MCC: variants seen among roughly 807,000 people sequenced by gnomAD.
MCC encodes the protein colorectal mutant cancer protein.
Under a neutral mutation model 116.2 loss-of-function variants are expected in MCC, and 90 were observed. That is an observed-to-expected ratio of 0.77 (90% CI 0.65 to 0.92). MCC has a LOEUF of 0.92. Ranked by LOEUF, MCC falls within the 40% of genes least tolerant of loss-of-function variation. The pLI is 0.00. For synonymous variants in MCC, 578 were observed against 510.5 expected (o/e 1.13, Z -1.78); for missense variants, 1,516 against 1,312.2 (o/e 1.16, Z -2.40).
chr5:113,049,799 A>C (rs937798150), intron 15 of MCC, among the ~76,000 whole-genome samples: 1 of 152,214 alleles, frequency 6.6e-6, no homozygotes, highest in African/African-American at 2.4e-5. Flanking sequence ...GTTGCCCTGT[A>C]GCTGGGCCAG....
chr5:113,444,844 A>G (rs1048294806), intron 1 of MCC, among the ~76,000 whole-genome samples: 4 of 152,242 alleles, frequency 2.6e-5, no homozygotes, highest in African/African-American at 9.6e-5. Flanking sequence ...CAACAACAAT[A>G]GTAATTTAAA....
chr5:113,320,286 G>C (rs894898311), intron 3 of MCC, among the ~76,000 whole-genome samples: 3 of 152,092 alleles, frequency 2.0e-5, no homozygotes, highest in Non-Finnish European at 4.4e-5. Context: ...TTAGTTGTTT[G>C]TTTTTAAAAA....
chr5:113,290,746 T>C (rs1419279573), intron 3 of MCC, among the ~76,000 whole-genome samples: 1 of 152,216 alleles, frequency 6.6e-6, no homozygotes, highest in Non-Finnish European at 1.5e-5. Flanking sequence ...GAGAATTTAA[T>C]GCTGCTTAAA....
intron 1 of MCC, among the ~76,000 whole-genome samples, chr5:113,486,614 C>G (rs1438949317): frequency 6.6e-6 from 1 of 152,126 alleles, no homozygotes; most frequent in Non-Finnish European, 1.5e-5. Context: ...AAGGCCGAGG[C>G]GGGCGGATCA....
chr5:113,467,083 A>C (rs981461453), intron 1 of MCC, among the ~76,000 whole-genome samples: 2 of 150,320 alleles, frequency 1.3e-5, no homozygotes, highest in African/African-American at 4.9e-5. Context: ...TCTGGATATT[A>C]GCCCTTTGTC....
rs140343439 is a variant in MCC, at chr5:113,211,761, C to T, written c.628-60339G>A. 3.6e-3 allele frequency among the ~76,000 whole-genome samples: 546 copies of T among 152,276 alleles called. 6 individuals are homozygous for T. The highest frequency in any genetic ancestry group is 0.012 in the African/African-American group (503 of 41,558). On this transcript the variant is annotated intron_variant, in intron 3 of 18. Transcript: ENST00000408903. Reference sequence around the variant, plus strand: ...AACTACTGGAGGTTATCCTAAAACTCCCCTTAATTAAAAATAAACAAATTG... The same window carrying T: ...AACTACTGGAGGTTATCCTAAAACTTCCCTTAATTAAAAATAAACAAATTG...
intron 1 of MCC, among the ~76,000 whole-genome samples, chr5:113,461,296 A>G (rs1483016639): frequency 6.6e-6 from 1 of 152,200 alleles, no homozygotes; most frequent in Non-Finnish European, 1.5e-5. Context: ...TTTTTCAAAT[A>G]ACTCATTTAC....
chr5:113,141,627 T>A (rs1035668528), intron 5 of MCC, among the ~76,000 whole-genome samples: 4 of 152,070 alleles, frequency 2.6e-5, no homozygotes, highest in African/African-American at 9.7e-5. Flanking sequence ...TTGCAGGGAA[T>A]CCCCTCGAGG....
intron 17 of MCC, among the ~76,000 whole-genome samples, chr5:113,037,251 C>T (rs911977562): frequency 6.6e-6 from 1 of 152,098 alleles, no homozygotes; most frequent in Non-Finnish European, 1.5e-5. Context: ...CATTCAGGGA[C>T]AAATGTTGGT....
intron 3 of MCC, among the ~76,000 whole-genome samples, chr5:113,286,314 A>G (rs1766258401): frequency 6.6e-6 from 1 of 152,226 alleles, no homozygotes; most frequent in Non-Finnish European, 1.5e-5. Context: ...CTCTCACCAC[A>G]TAACCAGTCA....
chr5:113,457,235 C>A (rs988724854), intron 1 of MCC, among the ~76,000 whole-genome samples: 5 of 152,242 alleles, frequency 3.3e-5, no homozygotes, highest in Non-Finnish European at 5.9e-5. Context: ...GCCCCACACT[C>A]GGAGCAGCTG....
chr5:113,433,573 C>T (rs1352782795), intron 1 of MCC: 18 of 923,950 alleles, frequency 1.9e-5, no homozygotes, highest in Non-Finnish European at 2.7e-5. Flanking sequence ...CTAGGGGCCA[C>T]GGGAGAACCA....
At chr5:113,392,695 T>G (rs1344018307) in intron 1 of MCC, among the ~76,000 whole-genome samples, 1 of 152,236 alleles carries the variant, frequency 6.6e-6, no homozygotes, top group African/African-American at 2.4e-5. Flanking sequence ...TAATACACAC[T>G]GGATGTTTAT....
At chr5:113,122,847 G>A (rs1457072630) in intron 5 of MCC, 21 bp from the exon 6 acceptor site, 1 of 1,613,600 alleles carries the variant, frequency 6.2e-7, no homozygotes, top group Admixed American at 1.7e-5. Context: ...AGGAGAATTG[G>A]CAACCACTAA....
chr5:113,391,093 C>G (rs9326885), intron 1 of MCC, among the ~76,000 whole-genome samples: 2 of 151,726 alleles, frequency 1.3e-5, no homozygotes, highest in Non-Finnish European at 2.9e-5. Context: ...TTGCTTCTTA[C>G]GAAATAAGTA....
chr5:113,103,176 A>G (rs1179884115), intron 7 of MCC, among the ~76,000 whole-genome samples: 1 of 152,148 alleles, frequency 6.6e-6, no homozygotes, highest in African/African-American at 2.4e-5. Context: ...CGCCTCCAAT[A>G]CTAAAAAACA....
chr5:113,084,103 C>T lies in MCC; in HGVS notation c.1633G>A (p.Gly545Arg). 4 of 1,613,954 alleles carry T rather than the reference C, an allele frequency of 2.5e-6. No individual in the cohort carries two copies. Among genetic ancestry groups the T allele is most frequent in the South Asian group, 1.1e-5 (1 of 91,080 alleles). Residue 545 changes from glycine to arginine, a missense_variant and splice_region_variant, in exon 10 of 19, where the codon GGG becomes AGG. Coordinates refer to ENST00000408903, the MANE Select transcript of MCC (RefSeq NM_001085377.2). Reference sequence around the variant, plus strand: ...CCTTGCTTCTCATGAACACTCACCCCTATGCTACTGATTTCTGAGCCCAGG... The same window carrying T: ...CCTTGCTTCTCATGAACACTCACCCTTATGCTACTGATTTCTGAGCCCAGG... ...PVLGSEISSI[G>R]VSSSVAEHLA...
In MCC at chr5:113,024,560, G is replaced by A. The variant is rs1293459516; in HGVS notation, c.*2742C>T. Reference sequence around the variant, plus strand: ...ACAGAGATGGTTACTGACTAAAAGGGGGTAACCACTGAGGAAACTAGGGAG... The same window carrying A: ...ACAGAGATGGTTACTGACTAAAAGGAGGTAACCACTGAGGAAACTAGGGAG... On this transcript the variant is annotated 3_prime_UTR_variant, in exon 19 of 19. Transcript: ENST00000408903. 1 of 152,172 alleles carries A rather than the reference G, an allele frequency of 6.6e-6. No individual in the cohort carries two copies. The highest frequency in any genetic ancestry group is 2.4e-5 in the African/African-American group (1 of 41,438). 9.4% of individuals were successfully genotyped at this position (152,172 alleles called of 1,614,324 possible).
chr5:113,033,397 GT>G (rs1244841184), intron 17 of MCC, among the ~76,000 whole-genome samples: 1 of 152,204 alleles, frequency 6.6e-6, no homozygotes, highest in Non-Finnish European at 1.5e-5. Context: ...CAAGTCTACA[GT>G]TTTCCTCAGA....
Sources: gnomAD v4.1 joint callset for allele counts (sites outside exome capture counted in the v4.1 genomes callset) on GRCh38, gnomAD v4.1.1 for gene constraint, MANE v1.5 for transcripts, NCBI Gene and HGNC (gene_info 2026-07-23, HGNC 2026-07-21) for gene names.